The following CNTN4 variants were observed in gnomAD, a reference collection of about 807,000 sequenced individuals.
The protein encoded by CNTN4 is contactin 4, also known as contactin-4.
CNTN4 carries 77 observed loss-of-function variants against 122.5 expected under a neutral mutation model. That is an observed-to-expected ratio of 0.63 (90% CI 0.52 to 0.76). The LOEUF (loss-of-function observed/expected upper bound fraction) is 0.76, where lower values mean the gene tolerates loss of function less well. Ranked by LOEUF, CNTN4 falls within the 30% of genes least tolerant of loss-of-function variation. The pLI is 0.00. For missense variants in CNTN4, 1,256 were observed against 1,259.1 expected, an observed-to-expected ratio of 1.00 and a Z score of 0.04; for synonymous variants, 512 against 447.0, an observed-to-expected ratio of 1.15 and a Z score of -1.83.
At chr3:2,424,114 G>A (rs1345924584) in intron 3 of CNTN4, among the ~76,000 whole-genome samples, 2 of 149,678 alleles carry the variant, frequency 1.3e-5, no homozygotes, top group Non-Finnish European at 1.5e-5. Context: ...TGTGCACAAC[G>A]TGCAGGGTTG....
chr3:2,238,094 C>T (rs1202283910), intron 2 of CNTN4, among the ~76,000 whole-genome samples: 4 of 151,890 alleles, frequency 2.6e-5, no homozygotes, highest in Non-Finnish European at 5.9e-5. Flanking sequence ...AGGTTTATTC[C>T]TCATTGTAAA....
intron 13 of CNTN4, among the ~76,000 whole-genome samples, chr3:2,950,121 G>A (rs2094722956): frequency 6.6e-6 from 1 of 152,144 alleles, no homozygotes; most frequent in East Asian, 1.9e-4. Flanking sequence ...TCGAACATGT[G>A]GACTTGCAGA....
intron 6 of CNTN4, among the ~76,000 whole-genome samples, chr3:2,815,543 A>G (rs1483870594): frequency 6.6e-6 from 1 of 152,206 alleles, no homozygotes; most frequent in Non-Finnish European, 1.5e-5. Flanking sequence ...ACAATGTGAT[A>G]CCGCCTTACA....
At chr3:3,017,702 C>T (rs1197852584) in intron 14 of CNTN4, among the ~76,000 whole-genome samples, 3 of 152,208 alleles carry the variant, frequency 2.0e-5, no homozygotes, top group South Asian at 2.1e-4. Context: ...ACATTTTTCA[C>T]ATAACCTGAT....
intron 2 of CNTN4, among the ~76,000 whole-genome samples, chr3:2,233,359 T>C (rs1046755409): frequency 6.6e-6 from 1 of 152,140 alleles, no homozygotes; most frequent in Non-Finnish European, 1.5e-5. Context: ...CCGTATGGCC[T>C]CTACATAACC....
intron 14 of CNTN4, among the ~76,000 whole-genome samples, chr3:2,998,246 G>C (rs530357468): frequency 1.4e-4 from 22 of 152,268 alleles, no homozygotes; most frequent in Admixed American, 6.5e-4. Flanking sequence ...TTGATGAAGG[G>C]ACACTCTGAT....
At chr3:2,857,752 A>G (rs2093631662) in intron 7 of CNTN4, among the ~76,000 whole-genome samples, 1 of 152,084 alleles carries the variant, frequency 6.6e-6, no homozygotes, top group South Asian at 2.1e-4. Context: ...ATACCCAGCT[A>G]ATTTTTTATT....
chr3:2,496,945 G>A (rs114374570), intron 3 of CNTN4, among the ~76,000 whole-genome samples: 1 of 152,216 alleles, frequency 6.6e-6, no homozygotes, highest in African/African-American at 2.4e-5. Flanking sequence ...ATATCTAAAG[G>A]CAGACAAAGA....
intron 3 of CNTN4, among the ~76,000 whole-genome samples, chr3:2,339,506 T>C (rs1203341962): frequency 6.6e-6 from 1 of 152,178 alleles, no homozygotes; most frequent in Non-Finnish European, 1.5e-5. Flanking sequence ...CCAAAAATTT[T>C]AGAATTTGTA....
chr3:2,323,562 G>T (rs934547514), intron 2 of CNTN4, among the ~76,000 whole-genome samples: 15 of 151,936 alleles, frequency 9.9e-5, no homozygotes, highest in Non-Finnish European at 1.5e-4. Flanking sequence ...GTTCTTTTTT[G>T]TAGTCAAGTT....
At chr3:2,657,046 A>T (rs2083621536) in intron 4 of CNTN4, among the ~76,000 whole-genome samples, 1 of 152,256 alleles carries the variant, frequency 6.6e-6, no homozygotes, top group Admixed American at 6.5e-5. Context: ...GGCAATAAAA[A>T]TAAATTATGC....
chr3:2,128,119 T>C (rs4129976), intron 2 of CNTN4, among the ~76,000 whole-genome samples: 128,399 of 152,220 alleles, frequency 0.84, 54,409 homozygotes, highest in African/African-American at 0.88. Flanking sequence ...TGGTTGGTAA[T>C]GATTATACAG....
intron 23 of CNTN4, among the ~76,000 whole-genome samples, chr3:3,045,214 C>T (rs746694298): frequency 6.6e-6 from 1 of 152,210 alleles, no homozygotes; most frequent in Non-Finnish European, 1.5e-5. Flanking sequence ...CAGGGCATAG[C>T]CAAACAAAAG....
chr3:2,235,499 TG>T (rs1258881736), intron 2 of CNTN4, among the ~76,000 whole-genome samples: 1 of 152,152 alleles, frequency 6.6e-6, no homozygotes. Flanking sequence ...TTCCTATAAT[TG>T]TTTTTATAAA....
intron 4 of CNTN4, among the ~76,000 whole-genome samples, chr3:2,681,496 G>A (rs2085162917): frequency 6.6e-6 from 1 of 152,032 alleles, no homozygotes; most frequent in South Asian, 2.1e-4. Flanking sequence ...TATGGCTAGA[G>A]GTCCAAAAAC....
chr3:2,646,150 A>G (rs753712785), intron 4 of CNTN4, among the ~76,000 whole-genome samples: 4 of 152,228 alleles, frequency 2.6e-5, no homozygotes, highest in Admixed American at 1.3e-4. Flanking sequence ...TAGAATGACT[A>G]ATTTCACATG....
chr3:2,126,871 GGGA>G (rs1230947254), intron 2 of CNTN4, among the ~76,000 whole-genome samples: 1 of 152,094 alleles, frequency 6.6e-6, no homozygotes, highest in Non-Finnish European at 1.5e-5. Flanking sequence ...CTGTCCACAT[GGGA>G]GATTCTGATG....
At chr3:2,250,321 A>G (rs939788000) in intron 2 of CNTN4, among the ~76,000 whole-genome samples, 5 of 151,934 alleles carry the variant, frequency 3.3e-5, no homozygotes, top group African/African-American at 9.7e-5. Context: ...TTTCTGAATC[A>G]TGGACTCAGT....
At chr3:2,416,238 A>G (rs932441573) in intron 3 of CNTN4, among the ~76,000 whole-genome samples, 39 of 152,128 alleles carry the variant, frequency 2.6e-4, no homozygotes, top group African/African-American at 9.2e-4. Context: ...CCTCCATAAA[A>G]GAATAGGATT....
Sources: allele counts gnomAD v4.1 joint callset (sites outside exome capture counted in the v4.1 genomes callset), GRCh38; gene constraint gnomAD v4.1.1; transcripts MANE v1.5; gene names NCBI Gene and HGNC (gene_info 2026-07-23, HGNC 2026-07-21).